The following NELL1 variants were observed in gnomAD, a reference collection of about 807,000 sequenced individuals.
The protein encoded by NELL1 is protein kinase C-binding protein NELL1.
A neutral mutation model predicts 107.4 loss-of-function variants in NELL1; 76 were observed. That is an observed-to-expected ratio of 0.71 (90% confidence interval 0.59 to 0.86). The LOEUF is 0.86. Among genes scored for constraint, NELL1 ranks in the 40% least tolerant of loss-of-function variants. The pLI is 0.00. For synonymous variants in NELL1, 353 were observed against 341.2 expected (o/e 1.03, Z -0.38); for missense variants, 1,024 against 1,005.5 (o/e 1.02, Z -0.25).
At chr11:21,029,493 C>G (rs563477072) in intron 12 of NELL1, among the ~76,000 whole-genome samples, 3 of 152,192 alleles carry the variant, frequency 2.0e-5, no homozygotes, top group Non-Finnish European at 4.4e-5. Context: ...ATCACCACCA[C>G]CACCACCGTC....
rs1399873311 is a variant in NELL1, at chr11:20,689,322, A to G, written c.184+11262A>G. Among the ~76,000 whole-genome samples the G allele has an allele frequency of 2.0e-5, 3 of 151,278 alleles. No individual in the cohort carries two copies. The South Asian group carries it at 6.3e-4, about 32-fold the overall frequency. The stretch of plus-strand genomic sequence containing the variant: ...TATTATACTTTAAGTTTTAGGGTAC[A>G]TGTGCACAATGTGCTGGTTAGTTAC... On this transcript the variant is annotated intron_variant, in intron 2 of 19. Transcript: ENST00000357134.
At chr11:21,569,578 G>A (rs1857052493) in intron 17 of NELL1, among the ~76,000 whole-genome samples, 1 of 151,820 alleles carries the variant, frequency 6.6e-6, no homozygotes, top group African/African-American at 2.4e-5. Context: ...AGTTAGAGGT[G>A]TTTACCCAGA....
chr11:21,207,594 G>A (rs1362615989), intron 13 of NELL1, among the ~76,000 whole-genome samples: 1 of 152,142 alleles, frequency 6.6e-6, no homozygotes, highest in Non-Finnish European at 1.5e-5. Flanking sequence ...AATGAAACTA[G>A]ATGCTCTACA....
chr11:21,198,250 A>C (rs566453079), intron 13 of NELL1, among the ~76,000 whole-genome samples: 2 of 152,306 alleles, frequency 1.3e-5, no homozygotes, highest in East Asian at 3.9e-4. Flanking sequence ...GCCCGAGCTG[A>C]AGCATCCAGA....
chr11:20,830,825 G>A (rs546312656), intron 3 of NELL1, among the ~76,000 whole-genome samples: 2 of 152,174 alleles, frequency 1.3e-5, no homozygotes, highest in East Asian at 1.9e-4. Context: ...TCAGGATAGC[G>A]AGAACTCACT....
At chr11:21,151,011 G>A (rs1856102639) in intron 13 of NELL1, among the ~76,000 whole-genome samples, 1 of 152,032 alleles carries the variant, frequency 6.6e-6, no homozygotes, top group African/African-American at 2.4e-5. Context: ...GATCTCATGA[G>A]AACTCACTCA....
intron 14 of NELL1, among the ~76,000 whole-genome samples, chr11:21,230,521 CAA>C (rs1444982494): frequency 2.0e-5 from 3 of 152,084 alleles, no homozygotes; most frequent in Non-Finnish European, 2.9e-5. Context: ...AACAAGAAAA[CAA>C]AAGACATCCT....
chr11:20,739,756 G>T (rs565491529), intron 2 of NELL1, among the ~76,000 whole-genome samples: 1 of 152,158 alleles, frequency 6.6e-6, no homozygotes, highest in African/African-American at 2.4e-5. Context: ...CTCACTTTCT[G>T]CAGGGTTCAC....
At chr11:20,864,092 ACCG>A (rs1849048883) in intron 4 of NELL1, among the ~76,000 whole-genome samples, 1 of 29,452 alleles carries the variant, frequency 3.4e-5, no homozygotes, top group East Asian at 1.4e-3. Context: ...TCAGAGGGAG[ACCG>A]TGGAAAGAGA....
chr11:21,239,511 C>T (rs888390138), intron 14 of NELL1, among the ~76,000 whole-genome samples: 5 of 151,996 alleles, frequency 3.3e-5, no homozygotes, highest in African/African-American at 9.7e-5. Flanking sequence ...GGGAAACATT[C>T]GTGAGACTCA....
At chr11:21,527,447 A>G (rs2133963045) in intron 15 of NELL1, among the ~76,000 whole-genome samples, 1 of 152,258 alleles carries the variant, frequency 6.6e-6, no homozygotes, top group East Asian at 1.9e-4. Context: ...CCCAGTTCCA[A>G]AATCATTTCC....
chr11:21,241,894 G>A (rs1420643535), intron 14 of NELL1, among the ~76,000 whole-genome samples: 1 of 130,902 alleles, frequency 7.6e-6, no homozygotes, highest in African/African-American at 2.8e-5. Context: ...TGAATTCGAT[G>A]TCTGTTTCTA....
chr11:21,303,918 G>A (rs988809412), intron 14 of NELL1, among the ~76,000 whole-genome samples: 3 of 151,934 alleles, frequency 2.0e-5, no homozygotes, highest in South Asian at 2.1e-4. Flanking sequence ...TAATCACTGC[G>A]TCCTCACATG....
chr11:20,788,301 T>G (rs1393953455), intron 3 of NELL1, among the ~76,000 whole-genome samples: 1 of 152,246 alleles, frequency 6.6e-6, no homozygotes, highest in Non-Finnish European at 1.5e-5. Flanking sequence ...GTGACTACAC[T>G]GTTTTACATT....
chr11:21,161,597 C>A (rs1250615617), intron 13 of NELL1, among the ~76,000 whole-genome samples: 1 of 152,044 alleles, frequency 6.6e-6, no homozygotes, highest in East Asian at 1.9e-4. Context: ...CCATCAGGTT[C>A]TGTAAGACAG....
intron 2 of NELL1, among the ~76,000 whole-genome samples, chr11:20,755,540 G>GTTTTTTTTTTTTTTTTTTTTTT (rs1463795241): frequency 5.2e-5 from 1 of 19,150 alleles, no homozygotes; most frequent in African/African-American, 9.7e-5. Flanking sequence ...GTGGGTTTTT[G>GTTTTTTTTTTTTTTTTTTTTTT]TTTTTTTTTG....
chr11:21,006,045 G>A (rs56385820), intron 12 of NELL1, among the ~76,000 whole-genome samples: 13,132 of 151,648 alleles, frequency 0.087, 1,917 homozygotes, highest in African/African-American at 0.3. Context: ...TTTGGGGGGG[G>A]GAGTGGGAAA....
At chr11:20,942,268 C>T (rs1254233807) in intron 10 of NELL1, among the ~76,000 whole-genome samples, 1 of 152,194 alleles carries the variant, frequency 6.6e-6, no homozygotes, top group Admixed American at 6.5e-5. Context: ...TTTTGATTCC[C>T]ATTCTTGCCC....
At chr11:21,075,995 T>G (rs1347231970) in intron 12 of NELL1, among the ~76,000 whole-genome samples, 1 of 152,226 alleles carries the variant, frequency 6.6e-6, no homozygotes, top group Non-Finnish European at 1.5e-5. Context: ...GAGCAAATTT[T>G]TATAAACACA....
Sources: allele counts gnomAD v4.1 joint callset (sites outside exome capture counted in the v4.1 genomes callset), GRCh38; gene constraint gnomAD v4.1.1; transcripts MANE v1.5; gene names NCBI Gene and HGNC (gene_info 2026-07-23, HGNC 2026-07-21).